The following MYO5B variants were observed in gnomAD, a reference collection of about 807,000 sequenced individuals.
MYO5B encodes unconventional myosin-Vb.
MYO5B carries 143 observed loss-of-function variants against 229.3 expected under a neutral mutation model. The ratio of observed to expected loss-of-function variants is 0.62; its 90% CI spans 0.54 to 0.72. The LOEUF is 0.72. Among genes scored for constraint, MYO5B ranks in the 30% least tolerant of loss-of-function variants. The pLI, the probability that MYO5B is intolerant of heterozygous loss-of-function variation, is 0.00. For missense variants in MYO5B, 2,321 were observed against 2,331.0 expected (o/e 1.00, Z 0.09); for synonymous variants, 918 against 885.2 (o/e 1.04, Z -0.66).
chr18:50,132,621 C>G (rs1005596100), intron 1 of MYO5B, among the ~76,000 whole-genome samples: 4 of 152,190 alleles, frequency 2.6e-5, no homozygotes, highest in African/African-American at 9.7e-5. Context: ...CCACCATGCT[C>G]CCCTCTTCTC....
chr18:50,133,542 C>A lies in MYO5B; in HGVS notation c.27+61225G>T, dbSNP rs568053520. Among the ~76,000 whole-genome samples, 46 of 152,276 alleles carry A rather than the reference C, an allele frequency of 3.0e-4. No individual in the cohort carries two copies. In the Middle Eastern group the frequency reaches 0.01, roughly 34 times the overall value. On this transcript the variant is annotated intron_variant, in intron 1 of 39. Coordinates refer to ENST00000285039, the MANE Select transcript of MYO5B (RefSeq NM_001080467.3). ...CAGTGAAGGAAGTTGACTCAAGAAC[C>A]AAGAGAAGTCATGTGATGAGCCCAG...
intron 5 of MYO5B, among the ~76,000 whole-genome samples, chr18:49,993,327 A>T (rs1225205071): frequency 6.6e-6 from 1 of 151,886 alleles, no homozygotes. Context: ...AGTCCTGCCC[A>T]GCCCAATACA....
At chr18:49,847,875 T>C (rs1346299116) in intron 32 of MYO5B, among the ~76,000 whole-genome samples, 1 of 152,230 alleles carries the variant, frequency 6.6e-6, no homozygotes, top group Non-Finnish European at 1.5e-5. Context: ...GGACACGTCC[T>C]CAGCCACTAA....
Position 49,980,512 on chromosome 18 carries a change from C to CA in MYO5B, c.987dup (p.Ala330CysfsTer14). The CA allele has an allele frequency of 6.2e-7, 1 of 1,613,870 alleles. No homozygotes were observed. Among genetic ancestry groups the CA allele is most frequent in the Non-Finnish European group, 8.5e-7 (1 of 1,179,886 alleles). ...ACACTTCCAAGGTGCAAGATAGAAGCAATTATCTTAAAAATGCTCATCTGA... is the reference window on the plus strand; with the variant it reads ...ACACTTCCAAGGTGCAAGATAGAAGCAAATTATCTTAAAAATGCTCATCTGA... On this transcript the variant is annotated frameshift_variant, in exon 9 of 40. Transcript: ENST00000285039. LOFTEE classifies it high-confidence loss of function.
intron 1 of MYO5B, among the ~76,000 whole-genome samples, chr18:50,068,713 C>G (rs1346498274): frequency 6.6e-6 from 1 of 152,112 alleles, no homozygotes; most frequent in African/African-American, 2.4e-5. Flanking sequence ...TGGCTCTGGT[C>G]AATAAGTTAC....
chr18:49,897,200 C>T (rs2024788319), intron 21 of MYO5B, among the ~76,000 whole-genome samples: 1 of 152,134 alleles, frequency 6.6e-6, no homozygotes, highest in African/African-American at 2.4e-5. Flanking sequence ...CCAGAAGGCT[C>T]GTCCTTGCAC....
chr18:49,919,482 G>T (rs1269090385), intron 17 of MYO5B, among the ~76,000 whole-genome samples: 1 of 152,036 alleles, frequency 6.6e-6, no homozygotes, highest in Non-Finnish European at 1.5e-5. Flanking sequence ...AACTCAACAA[G>T]AAGACAAGTA....
rs78329877 is a variant in MYO5B at position 49,987,409 on chromosome 18, G to A, written c.839-2584C>T. ...CCCACCTGCTTGGCTTTCCTGGATCGCAGCCCTCCTTTCAGGCCCATAAAG... is the reference window on the plus strand; with the variant it reads ...CCCACCTGCTTGGCTTTCCTGGATCACAGCCCTCCTTTCAGGCCCATAAAG... On this transcript the variant is annotated intron_variant, in intron 7 of 39. Coordinates refer to ENST00000285039, the MANE Select transcript of MYO5B (RefSeq NM_001080467.3). Among the ~76,000 whole-genome samples the A allele has an allele frequency of 1.1e-4, 16 of 152,136 alleles. No homozygotes were observed. The South Asian group carries it at 2.1e-3, about 20-fold the overall frequency.
At chr18:49,994,104 G>A (rs2025961380) in intron 5 of MYO5B, among the ~76,000 whole-genome samples, 1 of 151,978 alleles carries the variant, frequency 6.6e-6, no homozygotes, top group African/African-American at 2.4e-5. Flanking sequence ...TCTCAGCATC[G>A]ATGTCGCTTC....
At chr18:49,887,775 A>G (rs10221351) in intron 22 of MYO5B, among the ~76,000 whole-genome samples, 88,270 of 151,902 alleles carry the variant, frequency 0.58, 25,810 homozygotes, top group Middle Eastern at 0.67. Flanking sequence ...CTGCCTCCCG[A>G]GTTCAAGCAA....
intron 2 of MYO5B, among the ~76,000 whole-genome samples, chr18:50,042,052 C>A (rs2030031898): frequency 6.6e-6 from 1 of 152,178 alleles, no homozygotes; most frequent in Non-Finnish European, 1.5e-5. Context: ...GCACTATTAT[C>A]AGACTGACAA....
chr18:50,159,447 A>C (rs2032730618), intron 1 of MYO5B, among the ~76,000 whole-genome samples: 2 of 152,104 alleles, frequency 1.3e-5, no homozygotes, highest in Admixed American at 1.3e-4. Context: ...GCTGGGCCTA[A>C]ATATACAACC....
intron 1 of MYO5B, among the ~76,000 whole-genome samples, chr18:50,139,978 A>C (rs574946874): frequency 6.6e-6 from 1 of 152,340 alleles, no homozygotes; most frequent in South Asian, 2.1e-4. Flanking sequence ...TCAGAAAAGT[A>C]TAATTCAGAA....
chr18:49,914,389 T>C (rs1441762658), intron 17 of MYO5B, among the ~76,000 whole-genome samples: 1 of 152,052 alleles, frequency 6.6e-6, no homozygotes, highest in South Asian at 2.1e-4. Context: ...ACTCACTCAT[T>C]TCGAGATATT....
intron 1 of MYO5B, among the ~76,000 whole-genome samples, chr18:50,170,625 C>T (rs1204566734): frequency 7.9e-6 from 1 of 126,376 alleles, no homozygotes; most frequent in Non-Finnish European, 1.7e-5. Flanking sequence ...CAGTTGTTTC[C>T]ATTTAACACA....
At chr18:49,941,859 C>T (rs944372228) in intron 14 of MYO5B, among the ~76,000 whole-genome samples, 25 of 144,774 alleles carry the variant, frequency 1.7e-4, no homozygotes, top group Admixed American at 1.4e-3. Flanking sequence ...AAAAAGAGCC[C>T]GCATTGCCAA....
At chr18:50,104,265 G>GAGATAT (rs1555659351) in intron 1 of MYO5B, among the ~76,000 whole-genome samples, 2 of 134,572 alleles carry the variant, frequency 1.5e-5, no homozygotes, top group Non-Finnish European at 3.1e-5. Flanking sequence ...ATCTATACAT[G>GAGATAT]ATATATATAT....
rs1206887780 is a variant in MYO5B at position 49,875,674 on chromosome 18, C to A, written c.3537+13G>T. On this transcript the variant is annotated intron_variant, in intron 26 of 39. Transcript: ENST00000285039. ...TCCAAGCACCATAAGAGCACTGCAGCCCCTTCACGTACCTGGACTTTCTTG... is the reference window on the plus strand; with the variant it reads ...TCCAAGCACCATAAGAGCACTGCAGACCCTTCACGTACCTGGACTTTCTTG... 13 of 1,613,948 alleles carry A rather than the reference C, an allele frequency of 8.1e-6. No individual in the cohort carries two copies. The highest frequency in any genetic ancestry group is 1.1e-5 in the Non-Finnish European group (13 of 1,179,984).
At chr18:49,849,125 A>G (rs2024168007) in intron 32 of MYO5B, among the ~76,000 whole-genome samples, 1 of 152,128 alleles carries the variant, frequency 6.6e-6, no homozygotes, top group Non-Finnish European at 1.5e-5. Context: ...TCTTTCTGGA[A>G]GAGTGATTTA....
Sources: gnomAD v4.1 joint callset for allele counts (sites outside exome capture counted in the v4.1 genomes callset) on GRCh38, gnomAD v4.1.1 for gene constraint, MANE v1.5 for transcripts, NCBI Gene and HGNC (gene_info 2026-07-23, HGNC 2026-07-21) for gene names.